WNK3: variants seen among roughly 807,000 people sequenced by gnomAD.
WNK3 encodes the protein serine/threonine-protein kinase WNK3.
WNK3 carries 18 observed loss-of-function variants against 116.7 expected under a neutral mutation model. The ratio of observed to expected loss-of-function variants is 0.15; its 90% CI spans 0.11 to 0.23. The LOEUF (loss-of-function observed/expected upper bound fraction) is 0.23, where lower values mean the gene tolerates loss of function less well. Among genes scored for constraint, WNK3 ranks in the 10% least tolerant of loss-of-function variants. The pLI is 1.00. For synonymous variants in WNK3, 404 were observed against 469.4 expected (o/e 0.86, Z 1.80); for missense variants, 993 against 1,323.8 (o/e 0.75, Z 3.88).
At chrX:54,295,937 C>A (rs782412733) in intron 7 of WNK3, among the ~76,000 whole-genome samples, 122 of 111,483 alleles carry the variant, frequency 1.1e-3, no homozygotes, top group Non-Finnish European at 2.1e-3. Flanking sequence ...AATCCTCTCA[C>A]CTCGGTCTCC....
intron 2 of WNK3, among the ~76,000 whole-genome samples, chrX:54,328,940 C>T (rs181232555): frequency 2.3e-4 from 26 of 111,228 alleles, no homozygotes; most frequent in African/African-American, 8.2e-4. Flanking sequence ...TAGGTGAGCA[C>T]CACCATGCCC....
At chrX:54,285,030 T>C (rs957423336) in intron 10 of WNK3, among the ~76,000 whole-genome samples, 5 of 110,820 alleles carry the variant, frequency 4.5e-5, no homozygotes, top group African/African-American at 9.8e-5. Flanking sequence ...CAAAAACATG[T>C]TGAATCAGAG....
intron 2 of WNK3, among the ~76,000 whole-genome samples, chrX:54,328,763 T>C (rs2069134794): frequency 8.9e-6 from 1 of 112,304 alleles, no homozygotes; most frequent in East Asian, 2.8e-4. Flanking sequence ...TTAGAGATTC[T>C]GAAATCTGGC....
At chrX:54,240,287 G>A (rs2068008906) in intron 17 of WNK3, among the ~76,000 whole-genome samples, 1 of 104,416 alleles carries the variant, frequency 9.6e-6, no homozygotes, top group Non-Finnish European at 2.0e-5. Flanking sequence ...TGGGCAACAA[G>A]AACGAAACTC....
intron 22 of WNK3, among the ~76,000 whole-genome samples, chrX:54,215,116 C>CAAAAAA (rs60946524): frequency 3.4e-5 from 1 of 29,427 alleles, no homozygotes; most frequent in Non-Finnish European, 6.6e-5. Context: ...GACTCCATCT[C>CAAAAAA]AAAAAAAAAA....
chrX:54,250,978 C>T (rs1233281011), intron 15 of WNK3, among the ~76,000 whole-genome samples: 1 of 111,523 alleles, frequency 9.0e-6, no homozygotes, highest in Non-Finnish European at 1.9e-5. Flanking sequence ...CAAGTAGAAG[C>T]ATATCATTCA....
chrX:54,213,582 AC>A (rs2067647872), intron 22 of WNK3, among the ~76,000 whole-genome samples: 1 of 103,314 alleles, frequency 9.7e-6, no homozygotes, highest in African/African-American at 3.8e-5. Context: ...AAAAAAAAAA[AC>A]TAGGGGAAAA....
At chrX:54,326,317 C>T (rs1253181448) in intron 2 of WNK3, among the ~76,000 whole-genome samples, 4 of 111,134 alleles carry the variant, frequency 3.6e-5, no homozygotes, top group African/African-American at 1.3e-4. Context: ...GTCTCAATCT[C>T]CTGACCTCGT....
intron 1 of WNK3, among the ~76,000 whole-genome samples, chrX:54,346,064 T>C (rs1557177493): frequency 9.3e-6 from 1 of 107,105 alleles, no homozygotes; most frequent in African/African-American, 3.4e-5. Flanking sequence ...TATCTTATAT[T>C]CCTATTTTCA....
chrX:54,351,220 A>AAT (rs1445215012), intron 1 of WNK3, among the ~76,000 whole-genome samples: 1 of 111,430 alleles, frequency 9.0e-6, no homozygotes, highest in Admixed American at 9.7e-5. Context: ...AAAGTCATAA[A>AAT]ATATATATCA....
Position 54,267,168 on chromosome X carries a change from A to G in WNK3, c.2038-7830T>C, listed in dbSNP as rs782048991. Among the ~76,000 whole-genome samples the G allele has an allele frequency of 2.3e-3, 263 of 111,941 alleles. 1 individual carries two copies. The highest frequency in any genetic ancestry group is 3.4e-3 in the Non-Finnish European group (180 of 53,179). On this transcript the variant is annotated intron_variant, in intron 10 of 23. Transcript: ENST00000354646. ...TTGGAACCAACCCAAATGCTCATCA[A>G]TGATAGACTGGATAAAGAAAATGTG...
At chrX:54,344,761 G>A (rs1299891926) in intron 1 of WNK3, among the ~76,000 whole-genome samples, 1 of 110,424 alleles carries the variant, frequency 9.1e-6, no homozygotes, top group Non-Finnish European at 1.9e-5. Flanking sequence ...TGGCTAACAC[G>A]GTCAAACCCC....
rs2068085946 is a variant in WNK3 at position 54,247,586 on chromosome X, C to A, written c.3651+1111G>T. Among the ~76,000 whole-genome samples the A allele has an allele frequency of 2.7e-5, 3 of 109,613 alleles. No homozygotes were observed. In the Admixed American group the frequency reaches 3.0e-4, roughly 11 times the overall value. ...ATTTGTATATTAATTAAAATCATGTCTGGAAAGATTTGTTAACAGCTGTGT... is the reference window on the plus strand; with the variant it reads ...ATTTGTATATTAATTAAAATCATGTATGGAAAGATTTGTTAACAGCTGTGT... On this transcript the variant is annotated intron_variant, in intron 17 of 23. Coordinates refer to ENST00000354646, the Ensembl canonical transcript of WNK3.
intron 10 of WNK3, among the ~76,000 whole-genome samples, chrX:54,285,514 T>C (rs1445861334): frequency 3.5e-5 from 4 of 112,759 alleles, no homozygotes; most frequent in Non-Finnish European, 7.5e-5. Context: ...ATATTCTCTA[T>C]CAGGTGGGCA....
chrX:54,314,067 C>T (rs1392008698), intron 2 of WNK3, among the ~76,000 whole-genome samples: 2 of 108,257 alleles, frequency 1.8e-5, no homozygotes, highest in East Asian at 2.9e-4. Flanking sequence ...GTGGCACGTG[C>T]GTGTAATCCC....
At chrX:54,274,691 ATCT>A (rs1557160224) in intron 10 of WNK3, among the ~76,000 whole-genome samples, 2 of 111,828 alleles carry the variant, frequency 1.8e-5, no homozygotes, top group African/African-American at 6.5e-5. Context: ...GGTCTGGAAC[ATCT>A]TCTTGTGTAC....
At chrX:54,350,936 T>C (rs2069506625) in intron 1 of WNK3, among the ~76,000 whole-genome samples, 1 of 110,994 alleles carries the variant, frequency 9.0e-6, no homozygotes, top group Non-Finnish European at 1.9e-5. Context: ...ATATATATAC[T>C]ATAAGGTGAG....
chrX:54,315,950 C>T (rs1230909013), intron 2 of WNK3, among the ~76,000 whole-genome samples: 3 of 110,991 alleles, frequency 2.7e-5, no homozygotes, highest in Non-Finnish European at 5.7e-5. Context: ...CAAAAGCTAA[C>T]TCTCTCTCCT....
chrX:54,337,109 CAAATGTT>C (rs1473351109), intron 1 of WNK3, among the ~76,000 whole-genome samples: 8 of 111,227 alleles, frequency 7.2e-5, no homozygotes, highest in Non-Finnish European at 3.8e-5. Flanking sequence ...CGACGTTCCC[CAAATGTT>C]AAACATTTTA....
Sources: allele counts gnomAD v4.1 joint callset (sites outside exome capture counted in the v4.1 genomes callset), GRCh38; gene constraint gnomAD v4.1.1; transcripts MANE v1.5; gene names NCBI Gene and HGNC (gene_info 2026-07-23, HGNC 2026-07-21).